The following PLCE1 variants were observed in gnomAD, a reference collection of about 807,000 sequenced individuals.
PLCE1 encodes the protein 1-phosphatidylinositol 4,5-bisphosphate phosphodiesterase epsilon-1.
PLCE1 carries 119 observed loss-of-function variants against 242.8 expected under a neutral mutation model. The ratio of observed to expected loss-of-function variants is 0.49; its 90% CI spans 0.42 to 0.57. The LOEUF is 0.57. Ranked by LOEUF, PLCE1 falls within the 20% of genes least tolerant of loss-of-function variation. The pLI, the probability that PLCE1 is intolerant of heterozygous loss-of-function variation, is 0.00. For synonymous variants in PLCE1, 945 were observed against 1,017.4 expected (o/e 0.93, Z 1.35); for missense variants, 2,441 against 2,788.8 (o/e 0.88, Z 2.81).
At position 94,313,285 on chromosome 10, in the gene PLCE1, A is replaced by T. The variant is rs2053447551; in HGVS notation, c.6035A>T (p.Gln2012Leu). 2.5e-6 allele frequency: 4 copies of T among 1,614,156 alleles called. No individual in the cohort carries two copies. Among genetic ancestry groups the T allele is most frequent in the Non-Finnish European group, 3.4e-6 (4 of 1,179,974 alleles). ...MFNTEERKCL[Q>L]THRVTVHGVP... ...AATACAGAAGAAAGAAAATGTTTGC[A>T]GACTCACAGAGTCACGGTGCATGGG... The change falls in exon 28 of 33, where the codon CAG (glutamine) becomes CTG (leucine). Residue 2012 changes from glutamine (Q) to leucine (L), a missense_variant. By Grantham distance (113) the Gln-to-Leu change is moderately radical. Coordinates refer to ENST00000371380, the MANE Select transcript of PLCE1 (RefSeq NM_016341.4).
intron 1 of PLCE1, among the ~76,000 whole-genome samples, chr10:94,004,490 A>T (rs2060997795): frequency 6.6e-6 from 1 of 152,080 alleles, no homozygotes; most frequent in South Asian, 2.1e-4. Flanking sequence ...AAATACTTTA[A>T]CTCTGCGTTT....
intron 10 of PLCE1, 140 bp downstream of exon 10, chr10:94,254,447 T>C (rs2050994334): frequency 2.8e-6 from 2 of 719,212 alleles, no homozygotes; most frequent in East Asian, 2.7e-5. Flanking sequence ...CAATGAAACC[T>C]AAAGGTACTT....
In PLCE1 at chr10:94,221,740, A is replaced by AAAG. The variant is rs556168808; in HGVS notation, c.1810-5544_1810-5542dup. ...CAAGAGGGAAGTTCTGTCTAAAAAA[A>AAAG]AAGAAGAAGAAGAAGAAGAAGAAGG... On this transcript the variant is annotated intron_variant, in intron 4 of 32. Coordinates refer to ENST00000371380, the MANE Select transcript of PLCE1 (RefSeq NM_016341.4). Among the ~76,000 whole-genome samples, 1,196 of 152,108 alleles carry AAAG rather than the reference A, an allele frequency of 7.9e-3. 22 individuals are homozygous for AAAG. The highest frequency in any genetic ancestry group is 0.024 in the African/African-American group (995 of 41,482).
intron 3 of PLCE1, among the ~76,000 whole-genome samples, chr10:94,154,533 G>A (rs942467056): frequency 6.6e-6 from 1 of 151,910 alleles, no homozygotes; most frequent in Non-Finnish European, 1.5e-5. Flanking sequence ...CTACAGAATG[G>A]GAGAAAATAT....
At chr10:94,095,223 G>A (rs1325148999) in intron 2 of PLCE1, among the ~76,000 whole-genome samples, 1 of 152,212 alleles carries the variant, frequency 6.6e-6, no homozygotes, top group African/African-American at 2.4e-5. Context: ...GCACATTCAA[G>A]AAAGATGCAC....
intron 7 of PLCE1, among the ~76,000 whole-genome samples, chr10:94,237,668 TC>T (rs1330546016): frequency 1.3e-5 from 2 of 152,208 alleles, no homozygotes; most frequent in Non-Finnish European, 2.9e-5. Context: ...AGTGATAGCT[TC>T]TTTACCTCAA....
intron 22 of PLCE1, among the ~76,000 whole-genome samples, chr10:94,291,715 C>T (rs2052651966): frequency 6.6e-6 from 1 of 152,098 alleles, no homozygotes; most frequent in Non-Finnish European, 1.5e-5. Context: ...TCAGCCTGGA[C>T]AACATGGTGA....
rs1421572485 is a variant in PLCE1, at chr10:94,246,529, T to C, written c.3004T>C (p.Leu1002=). ...KHTAKMLFSG[L]LELTRAVRKM... ...CACAGCTAAAATGCTCTTCAGCGGATTATTGGAACTCACTAGAGCTGTGAG... is the reference window on the plus strand; with the variant it reads ...CACAGCTAAAATGCTCTTCAGCGGACTATTGGAACTCACTAGAGCTGTGAG... The change falls in exon 8 of 33, where the codon TTA becomes CTA. Residue 1002 remains leucine (L), a synonymous_variant. Coordinates refer to ENST00000371380, the MANE Select transcript of PLCE1 (RefSeq NM_016341.4). 1 of 1,614,054 alleles carries C rather than the reference T, an allele frequency of 6.2e-7. No homozygotes were observed. Among genetic ancestry groups the C allele is most frequent in the Admixed American group, 1.7e-5 (1 of 60,016 alleles).
At chr10:94,195,081 A>G (rs1476528508) in intron 4 of PLCE1, among the ~76,000 whole-genome samples, 1 of 152,182 alleles carries the variant, frequency 6.6e-6, no homozygotes, top group East Asian at 1.9e-4. Flanking sequence ...AGTTTTCTCA[A>G]CACTCTTTGG....
intron 4 of PLCE1, among the ~76,000 whole-genome samples, chr10:94,187,635 C>T (rs1442787083): frequency 6.6e-6 from 1 of 152,042 alleles, no homozygotes; most frequent in African/African-American, 2.4e-5. Flanking sequence ...CCTCAAGGGC[C>T]AGGGAAGGAG....
intron 7 of PLCE1, among the ~76,000 whole-genome samples, chr10:94,238,152 G>A (rs1318111025): frequency 6.6e-6 from 1 of 152,224 alleles, no homozygotes; most frequent in African/African-American, 2.4e-5. Context: ...TGGGCCCGGT[G>A]GCTTATGCCT....
chr10:94,063,635 G>A (rs2044121038), intron 2 of PLCE1, among the ~76,000 whole-genome samples: 1 of 152,172 alleles, frequency 6.6e-6, no homozygotes, highest in African/African-American at 2.4e-5. Flanking sequence ...CTTGCCACTG[G>A]GAGTACAGTG....
chr10:94,095,131 A>G (rs898577946), intron 2 of PLCE1, among the ~76,000 whole-genome samples: 1 of 152,086 alleles, frequency 6.6e-6, no homozygotes, highest in Non-Finnish European at 1.5e-5. Flanking sequence ...GCTCCTTTCT[A>G]GAGAGAGACT....
intron 4 of PLCE1, among the ~76,000 whole-genome samples, chr10:94,203,517 A>G (rs990321271): frequency 2.0e-5 from 3 of 152,232 alleles, no homozygotes; most frequent in Non-Finnish European, 4.4e-5. Context: ...TTCAGCTTGC[A>G]TTAAACTCAA....
intron 2 of PLCE1, among the ~76,000 whole-genome samples, chr10:94,102,960 G>A (rs1314942742): frequency 6.6e-6 from 1 of 152,196 alleles, no homozygotes; most frequent in Non-Finnish European, 1.5e-5. Context: ...AAAATACAAA[G>A]AAGAAAAACA....
Position 94,313,401 on chromosome 10 carries a change from G to A in PLCE1, c.6132+19G>A, listed in dbSNP as rs2053451811. The A allele has an allele frequency of 1.2e-6, 2 of 1,614,086 alleles. No individual in the cohort carries two copies. The highest frequency in any genetic ancestry group is 1.1e-5 in the South Asian group (1 of 91,074). On this transcript the variant is annotated intron_variant, in intron 28 of 32. Transcript: ENST00000371380. ...GCAGCAAGTAAGTCCACTGAGCCGTGGTTGGGAGAATCCAAAATCTAAGAT... is the reference window on the plus strand; with the variant it reads ...GCAGCAAGTAAGTCCACTGAGCCGTAGTTGGGAGAATCCAAAATCTAAGAT...
At chr10:94,248,013 C>G (rs2050747115) in intron 8 of PLCE1, among the ~76,000 whole-genome samples, 1 of 152,170 alleles carries the variant, frequency 6.6e-6, no homozygotes, top group Admixed American at 6.5e-5. Context: ...TTTGTATTGT[C>G]ACAGAACAAA....
At chr10:94,176,244 C>CA (rs1488951065) in intron 4 of PLCE1, among the ~76,000 whole-genome samples, 3 of 152,094 alleles carry the variant, frequency 2.0e-5, no homozygotes, top group East Asian at 1.9e-4. Flanking sequence ...ACAAAAAGTA[C>CA]AAAAAATTAG....
At chr10:94,179,521 T>TGTTTTTTG (rs67919831) in intron 4 of PLCE1, among the ~76,000 whole-genome samples, 38,402 of 84,242 alleles carry the variant, frequency 0.46, 7,762 homozygotes, top group East Asian at 0.64. Context: ...AGTTTTTTTT[T>TGTTTTTTG]TTTTTTTTTG....
Sources: gnomAD v4.1 joint callset for allele counts (sites outside exome capture counted in the v4.1 genomes callset) on GRCh38, gnomAD v4.1.1 for gene constraint, MANE v1.5 for transcripts, NCBI Gene and HGNC (gene_info 2026-07-23, HGNC 2026-07-21) for gene names.